Variants in PLCG2 observed in about 807,000 individuals in gnomAD.
PLCG2 encodes phospholipase C gamma 2.
PLCG2 carries 69 observed loss-of-function variants against 175.6 expected under a neutral mutation model. That is an observed-to-expected ratio of 0.39 (90% CI 0.32 to 0.48). The LOEUF is 0.48. Ranked by LOEUF, PLCG2 falls within the 20% of genes least tolerant of loss-of-function variation. The pLI, the probability that PLCG2 is intolerant of heterozygous loss-of-function variation, is 0.91. For synonymous variants in PLCG2, 827 were observed against 624.0 expected (o/e 1.33, Z -4.85); for missense variants, 1,798 against 1,650.9 (o/e 1.09, Z -1.54).
intron 2 of PLCG2, among the ~76,000 whole-genome samples, chr16:81,813,799 A>G (rs1358240093): frequency 6.6e-6 from 1 of 152,204 alleles, no homozygotes; most frequent in African/African-American, 2.4e-5. Context: ...GGGCTTCCTT[A>G]CAGCATGGTG....
chr16:81,836,413 T>G (rs536126219), intron 2 of PLCG2, among the ~76,000 whole-genome samples: 1 of 152,232 alleles, frequency 6.6e-6, no homozygotes, highest in East Asian at 1.9e-4. Flanking sequence ...GATCTTGGCT[T>G]CTCGTTTCAT....
At chr16:81,901,260 C>T (rs1909139786) in intron 14 of PLCG2, among the ~76,000 whole-genome samples, 2 of 152,172 alleles carry the variant, frequency 1.3e-5, no homozygotes, top group Non-Finnish European at 2.9e-5. Flanking sequence ...AGGCTGAGTG[C>T]AGCAATAGAG....
intron 5 of PLCG2, among the ~76,000 whole-genome samples, chr16:81,864,262 A>C (rs1907119818): frequency 6.6e-6 from 1 of 152,194 alleles, no homozygotes; most frequent in African/African-American, 2.4e-5. Flanking sequence ...TCTGGGAGCT[A>C]CTTAGAGAAG....
At chr16:81,779,631 A>T (rs915518133) in intron 1 of PLCG2, among the ~76,000 whole-genome samples, 4 of 151,742 alleles carry the variant, frequency 2.6e-5, no homozygotes, top group Non-Finnish European at 5.9e-5. Flanking sequence ...GCCGCTGGCC[A>T]CTTCCTCACC....
chr16:81,870,021 A>G (rs777522964), intron 6 of PLCG2, among the ~76,000 whole-genome samples: 1 of 152,192 alleles, frequency 6.6e-6, no homozygotes, highest in Admixed American at 6.5e-5. Context: ...CAAAAAGCTC[A>G]TTTCATTTTT....
At chr16:81,796,679 C>A (rs1475585014) in intron 2 of PLCG2, among the ~76,000 whole-genome samples, 1 of 152,120 alleles carries the variant, frequency 6.6e-6, no homozygotes, top group Non-Finnish European at 1.5e-5. Context: ...TGACTGGTTT[C>A]CTTATGAGAA....
chr16:81,827,864 G>T (rs553302398), intron 2 of PLCG2, among the ~76,000 whole-genome samples: 3 of 152,122 alleles, frequency 2.0e-5, no homozygotes, highest in South Asian at 2.1e-4. Flanking sequence ...GCCAAGGTGG[G>T]TGGATCACCT....
Position 81,786,199 on chromosome 16 carries a change from T to C in PLCG2, c.193+17T>C. ...AGGGCTTCTGTGAGTACTCGCTGGG[T>C]GGGGCAGTGTGGCCCGTCCTCTGGG... is the stretch of plus-strand genomic sequence containing the variant. On this transcript the variant is annotated intron_variant, in intron 2 of 32. Transcript: ENST00000564138. 6.2e-7 allele frequency: 1 copy of C among 1,608,948 alleles called. No homozygotes were observed. The highest frequency in any genetic ancestry group is 1.7e-5 in the Admixed American group (1 of 59,864).
intron 16 of PLCG2, 85 bp from the exon 17 acceptor site, chr16:81,908,331 G>A (rs1257137644): frequency 7.9e-7 from 1 of 1,265,224 alleles, no homozygotes; most frequent in Non-Finnish European, 1.1e-6. Context: ...GGTACCCTGG[G>A]TCAGGGTGAG....
At chr16:81,767,136 GTTTTTTTTTTTTTTT>G (rs66799783) in intron 2 of PLCG2, among the ~76,000 whole-genome samples, 2 of 71,726 alleles carry the variant, frequency 2.8e-5, no homozygotes, top group East Asian at 5.1e-4. Context: ...TAAACTCGTG[GTTTTTTTTTTTTTTT>G]TTTTTTTTTT....
At chr16:81,805,767 G>GTTTTTTTGTTTTTTTTTT (rs1911983342) in intron 2 of PLCG2, among the ~76,000 whole-genome samples, 4 of 39,510 alleles carry the variant, frequency 1.0e-4, no homozygotes, top group African/African-American at 3.7e-4. Flanking sequence ...GTTTTGTTTT[G>GTTTTTTTGTTTTTTTTTT]TTTTTTTTTT....
At chr16:81,912,803 G>T (rs2143663874) in intron 19 of PLCG2, 87 bp downstream of exon 19, 1 of 1,436,688 alleles carries the variant, frequency 7.0e-7, no homozygotes, top group South Asian at 1.4e-5. Flanking sequence ...TCAGGTGGAG[G>T]CTCACCTGCA....
intron 3 of PLCG2, 30 bp from the exon 4 acceptor site, chr16:81,858,233 C>G (rs1906782234): frequency 3.4e-6 from 5 of 1,464,970 alleles, no homozygotes; most frequent in Non-Finnish European, 4.8e-6. Flanking sequence ...GGAATTAACA[C>G]AGCATTTCTG....
chr16:81,775,514 G>C (rs1206557684), upstream of PLCG2, among the ~76,000 whole-genome samples: 6 of 152,042 alleles, frequency 3.9e-5, no homozygotes, highest in African/African-American at 1.4e-4. Flanking sequence ...ATGGGGATGA[G>C]GGCTTTACCT....
In PLCG2 at chr16:81,958,990, T is replaced by C. The variant is rs922419183; in HGVS notation, c.*992T>C. ...AAAATTTCAAATGCAGCCATCTCCC[T>C]TGGGGCAGATCTACCTAGTTCATGA... On this transcript the variant is annotated 3_prime_UTR_variant, in exon 33 of 33. Transcript: ENST00000564138. 5.7e-4 allele frequency: 128 copies of C among 223,698 alleles called. No individual in the cohort carries two copies. Among genetic ancestry groups the C allele is most frequent in the Non-Finnish European group, 9.0e-4 (101 of 112,000 alleles). 13.9% of individuals were successfully genotyped at this position (223,698 alleles called of 1,614,324 possible). A position where few individuals can be genotyped will look rare whatever the true frequency, so the allele number is the denominator to read the frequency against.
intron 2 of PLCG2, among the ~76,000 whole-genome samples, chr16:81,816,124 A>G (rs534658079): frequency 6.6e-6 from 1 of 151,420 alleles, no homozygotes; most frequent in East Asian, 1.9e-4. Flanking sequence ...TAATCCCAGC[A>G]CTTTGGGAGG....
intron 6 of PLCG2, among the ~76,000 whole-genome samples, chr16:81,870,326 A>G (rs1030769887): frequency 1.3e-5 from 2 of 152,234 alleles, no homozygotes. Flanking sequence ...AGGGTTTGAA[A>G]GGGTCAAGGA....
At chr16:81,884,265 G>A (rs8049024) in intron 9 of PLCG2, among the ~76,000 whole-genome samples, 1 of 151,832 alleles carries the variant, frequency 6.6e-6, no homozygotes, top group Non-Finnish European at 1.5e-5. Context: ...GCAGGAGAAT[G>A]GCTTGAACCT....
At chr16:81,788,494 A>C (rs1238892752) in intron 2 of PLCG2, among the ~76,000 whole-genome samples, 1 of 152,104 alleles carries the variant, frequency 6.6e-6, no homozygotes, top group Non-Finnish European at 1.5e-5. Flanking sequence ...GTTAGGCAGG[A>C]TGGGGGTATG....
Sources: gnomAD v4.1 joint callset for allele counts (sites outside exome capture counted in the v4.1 genomes callset) on GRCh38, gnomAD v4.1.1 for gene constraint, MANE v1.5 for transcripts, NCBI Gene and HGNC (gene_info 2026-07-23, HGNC 2026-07-21) for gene names.